Variants in RSU1 observed in about 807,000 individuals in gnomAD.
The protein encoded by RSU1 is rsu-1.
Under a neutral mutation model 31.1 loss-of-function variants are expected in RSU1, and 26 were observed. The ratio of observed to expected loss-of-function variants is 0.84; its 90% CI spans 0.61 to 1.16. RSU1 has a LOEUF of 1.16. Ranked by LOEUF, RSU1 falls within the 50% of genes most tolerant of loss-of-function variation. RSU1 has a pLI of 0.00. For missense variants in RSU1, 320 were observed against 339.1 expected, an observed-to-expected ratio of 0.94 and a Z score of 0.44; for synonymous variants, 164 against 136.3, an observed-to-expected ratio of 1.20 and a Z score of -1.41.
chr10:16,730,958 G>T lies in RSU1; in HGVS notation c.598+21581C>A, dbSNP rs186920473. Among the ~76,000 whole-genome samples, 3 of 151,872 alleles carry T rather than the reference G, an allele frequency of 2.0e-5. No individual in the cohort carries two copies. The East Asian group carries it at 5.9e-4, about 30-fold the overall frequency. ...TGTGCCTCAGTCTCTGAAGTAGCTG[G>T]GATTATAGATGCCCGCCACCACGCC... On this transcript the variant is annotated intron_variant, in intron 7 of 8. Coordinates refer to ENST00000345264, the MANE Select transcript of RSU1 (RefSeq NM_012425.4).
chr10:16,636,947 G>A (rs1834353399), intron 8 of RSU1, among the ~76,000 whole-genome samples: 2 of 152,156 alleles, frequency 1.3e-5, no homozygotes, highest in Admixed American at 1.3e-4. Context: ...CAAACTGCAT[G>A]AGGACAGGGA....
At chr10:16,803,811 A>G (rs892961481) in intron 2 of RSU1, among the ~76,000 whole-genome samples, 24 of 152,224 alleles carry the variant, frequency 1.6e-4, no homozygotes, top group Middle Eastern at 3.2e-3. Flanking sequence ...AAGACCTAAC[A>G]TCGTTCACAA....
chr10:16,643,330 G>A (rs112077327), intron 8 of RSU1, among the ~76,000 whole-genome samples: 10 of 152,252 alleles, frequency 6.6e-5, no homozygotes, highest in African/African-American at 2.2e-4. Context: ...TAGATACTTT[G>A]AAGATGTAAA....
intron 7 of RSU1, among the ~76,000 whole-genome samples, chr10:16,710,247 G>A (rs948099646): frequency 6.6e-6 from 1 of 152,088 alleles, no homozygotes; most frequent in Non-Finnish European, 1.5e-5. Context: ...TGCTTTTTCT[G>A]CATCTACTGA....
chr10:16,738,218 A>G (rs1836674001), intron 7 of RSU1, among the ~76,000 whole-genome samples: 1 of 152,144 alleles, frequency 6.6e-6, no homozygotes, highest in Admixed American at 6.5e-5. Context: ...AGGCCAAAAC[A>G]GGCGGATCAT....
intron 7 of RSU1, among the ~76,000 whole-genome samples, chr10:16,741,555 A>C (rs1228757993): frequency 1.3e-5 from 2 of 152,192 alleles, no homozygotes; most frequent in Non-Finnish European, 2.9e-5. Context: ...AATTCCAAGG[A>C]GAGAGCAAAG....
intron 3 of RSU1, among the ~76,000 whole-genome samples, chr10:16,778,096 C>T (rs1287130668): frequency 6.7e-6 from 1 of 148,630 alleles, no homozygotes; most frequent in African/African-American, 2.5e-5. Flanking sequence ...TCACAGCTCA[C>T]TGCAGCCTCA....
At chr10:16,631,109 G>A (rs979451456) in intron 8 of RSU1, among the ~76,000 whole-genome samples, 1 of 152,156 alleles carries the variant, frequency 6.6e-6, no homozygotes, top group African/African-American at 2.4e-5. Flanking sequence ...GGGTCCCTAA[G>A]GTTCCAATCG....
At chr10:16,691,241 C>T (rs1835543116) in intron 8 of RSU1, among the ~76,000 whole-genome samples, 2 of 152,062 alleles carry the variant, frequency 1.3e-5, no homozygotes, top group African/African-American at 2.4e-5. Flanking sequence ...GGCTGCTTCA[C>T]ACAAAGAGTT....
intron 7 of RSU1, among the ~76,000 whole-genome samples, chr10:16,700,821 T>G (rs1835776603): frequency 6.6e-6 from 1 of 152,232 alleles, no homozygotes; most frequent in Admixed American, 6.5e-5. Flanking sequence ...ATAGCCATAC[T>G]GTGAAATGCT....
rs1414383640 is a variant in RSU1, at chr10:16,731,883, G to A, written c.598+20656C>T. Among the ~76,000 whole-genome samples the A allele has an allele frequency of 2.6e-5, 4 of 151,972 alleles. No individual in the cohort carries two copies. In the East Asian group the frequency reaches 7.7e-4, roughly 29 times the overall value. On this transcript the variant is annotated intron_variant, in intron 7 of 8. Transcript: ENST00000345264. ...CTCCAACGCTTTTGAGAGTGGTTAAGATAAGCCGATATTGTTGGGACAGGG... is the reference window on the plus strand; with the variant it reads ...CTCCAACGCTTTTGAGAGTGGTTAAAATAAGCCGATATTGTTGGGACAGGG...
At chr10:16,697,264 A>G (rs1212351849) in intron 7 of RSU1, among the ~76,000 whole-genome samples, 1 of 152,168 alleles carries the variant, frequency 6.6e-6, no homozygotes, top group East Asian at 1.9e-4. Context: ...GAAACAACCT[A>G]TGCTTACATC....
intron 2 of RSU1, among the ~76,000 whole-genome samples, chr10:16,810,103 C>T (rs1330882594): frequency 1.3e-5 from 2 of 151,938 alleles, no homozygotes; most frequent in African/African-American, 4.8e-5. Flanking sequence ...TGGTAGCTGG[C>T]ACCTGTAATC....
chr10:16,717,885 A>C (rs1028461714), intron 7 of RSU1, among the ~76,000 whole-genome samples: 3 of 152,072 alleles, frequency 2.0e-5, no homozygotes, highest in Non-Finnish European at 4.4e-5. Context: ...GAGATCTACC[A>C]CAATTTTGGA....
At chr10:16,647,547 TG>T (rs1245920364) in intron 8 of RSU1, among the ~76,000 whole-genome samples, 15 of 152,216 alleles carry the variant, frequency 9.9e-5, no homozygotes, top group Non-Finnish European at 1.9e-4. Flanking sequence ...TATAGTATGA[TG>T]TTATTCAGAC....
At chr10:16,621,180 C>A (rs1588678629) in intron 8 of RSU1, among the ~76,000 whole-genome samples, 1 of 152,176 alleles carries the variant, frequency 6.6e-6, no homozygotes, top group African/African-American at 2.4e-5. Flanking sequence ...TCAATTGTCA[C>A]ACCTTGGGCG....
intron 7 of RSU1, among the ~76,000 whole-genome samples, chr10:16,719,424 ACACAC>A (rs1836209939): frequency 6.6e-6 from 1 of 152,100 alleles, no homozygotes; most frequent in African/African-American, 2.4e-5. Flanking sequence ...TATCACCCAA[ACACAC>A]CATGGGCTGT....
In RSU1 at chr10:16,798,394, G is replaced by A. The variant is rs775347962; in HGVS notation, c.110-16310C>T. The stretch of plus-strand genomic sequence containing the variant: ...TTGAACTGTAATCCTCATAATCTTC[G>A]TATGTCAAGGGAGAGACCGGGTGGA... On this transcript the variant is annotated intron_variant, in intron 2 of 8. Coordinates refer to ENST00000345264, the MANE Select transcript of RSU1 (RefSeq NM_012425.4). 1.1e-4 allele frequency among the ~76,000 whole-genome samples: 17 copies of A among 152,240 alleles called. No individual in the cohort carries two copies. In the South Asian group the frequency reaches 2.1e-3, roughly 19 times the overall value.
chr10:16,724,589 C>T (rs1836346184), intron 7 of RSU1, among the ~76,000 whole-genome samples: 1 of 152,244 alleles, frequency 6.6e-6, no homozygotes, highest in East Asian at 1.9e-4. Context: ...CCAGAGAAAC[C>T]CTGCTAACAG....
Sources: allele counts gnomAD v4.1 joint callset (sites outside exome capture counted in the v4.1 genomes callset), GRCh38; gene constraint gnomAD v4.1.1; transcripts MANE v1.5; gene names NCBI Gene and HGNC (gene_info 2026-07-23, HGNC 2026-07-21).